Variants in PCDHA9 observed in about 807,000 individuals in gnomAD.
The protein encoded by PCDHA9 is protocadherin alpha-9.
A neutral mutation model predicts 62.0 loss-of-function variants in PCDHA9; 62 were observed. The ratio of observed to expected loss-of-function variants is 1.00; its 90% CI spans 0.81 to 1.23. PCDHA9 has a LOEUF of 1.23. Among genes scored for constraint, PCDHA9 ranks in the 50% most tolerant of loss-of-function variants. The pLI is 0.00. For synonymous variants in PCDHA9, 557 were observed against 567.6 expected (o/e 0.98, Z 0.27); for missense variants, 1,205 against 1,249.8 (o/e 0.96, Z 0.54).
Position 140,848,871 on chromosome 5 carries a change from A to T in PCDHA9, c.376A>T (p.Ile126Phe). The change falls in exon 1 of 4, where the codon ATT (isoleucine) becomes TTT (phenylalanine). Residue 126 changes from isoleucine (I) to phenylalanine (F), a missense_variant. Around this residue, in one of 3 missense-constraint regions of PCDHA9, gnomAD observed 208 missense variants for 213.2 expected, o/e 0.98. Coordinates refer to ENST00000532602, the MANE Select transcript of PCDHA9 (RefSeq NM_031857.2). ...VFHVDVEVKDINDNPPVFPAT... is the reference protein window; with the variant it reads ...VFHVDVEVKDFNDNPPVFPAT... ...CCATGTGGACGTGGAGGTGAAGGAC[A>T]TTAACGACAACCCTCCAGTGTTCCC... 1 of 1,590,856 alleles carries T rather than the reference A, an allele frequency of 6.3e-7. No homozygotes were observed. Among genetic ancestry groups the T allele is most frequent in the Non-Finnish European group, 8.6e-7 (1 of 1,162,462 alleles).
At chr5:141,007,095 G>A (rs1405401392) in intron 3 of PCDHA9, among the ~76,000 whole-genome samples, 2 of 152,208 alleles carry the variant, frequency 1.3e-5, no homozygotes, top group East Asian at 1.9e-4. Context: ...AGAGAGTCTA[G>A]GGCCAAACCC....
intron 1 of PCDHA9, 127 bp from the exon 2 acceptor site, chr5:140,978,822 A>G: frequency 6.6e-7 from 1 of 1,521,216 alleles, no homozygotes; most frequent in Non-Finnish European, 8.8e-7. Context: ...GTTACACATG[A>G]AATGGCTCAT....
At chr5:140,955,385 G>A (rs1416235573) in intron 1 of PCDHA9, among the ~76,000 whole-genome samples, 4 of 152,216 alleles carry the variant, frequency 2.6e-5, no homozygotes, top group South Asian at 4.1e-4. Flanking sequence ...GAATCATGGG[G>A]GCAATTATCC....
At chr5:140,992,153 T>C (rs191199905) in intron 3 of PCDHA9, among the ~76,000 whole-genome samples, 76 of 152,066 alleles carry the variant, frequency 5.0e-4, no homozygotes, top group African/African-American at 1.8e-3. Flanking sequence ...CTTTGCTCAA[T>C]CAAGAAGTGT....
At chr5:140,978,910 T>C in intron 1 of PCDHA9, 39 bp from the exon 2 acceptor site, 1 of 1,613,896 alleles carries the variant, frequency 6.2e-7, no homozygotes, top group Non-Finnish European at 8.5e-7. Context: ...GAACATTGTC[T>C]TGTCATTTTA....
rs150677637 is a variant in PCDHA9, at chr5:140,857,404, T to A, written c.2394+6515T>A. Reference sequence around the variant, plus strand: ...TGGCCGACGTGAACGACAACGCGCCTGCGTTCGCGCAGTCCGAGTACACGG... The same window carrying A: ...TGGCCGACGTGAACGACAACGCGCCAGCGTTCGCGCAGTCCGAGTACACGG... On this transcript the variant is annotated intron_variant, in intron 1 of 3. Transcript: ENST00000532602. 5,154 of 1,597,952 alleles carry A rather than the reference T, an allele frequency of 3.2e-3. 410 individuals carry two copies. In the African/African-American group the frequency reaches 0.057, roughly 18 times the overall value.
intron 1 of PCDHA9, chr5:140,860,177 G>A (rs1218765460): frequency 6.7e-6 from 1 of 148,372 alleles, no homozygotes; most frequent in Admixed American, 6.7e-5. Flanking sequence ...ATATATATAT[G>A]ATGGGCTCTC....
In PCDHA9 at chr5:140,848,448, T is replaced by C. The variant is rs2150410519; in HGVS notation, c.-48T>C. ...ACTGACGAAATCAGATGATTTCTTC[T>C]AATTTGGAGGCAATTTTCACTAATT... On this transcript the variant is annotated 5_prime_UTR_variant, in exon 1 of 4. An upstream open reading frame in the 5' UTR loses its in-frame stop. Transcript: ENST00000532602. 2.0e-6 allele frequency: 3 copies of C among 1,511,550 alleles called. No homozygotes were observed. Among genetic ancestry groups the C allele is most frequent in the African/African-American group, 1.4e-5 (1 of 72,444 alleles). 93.6% of individuals were successfully genotyped at this position (1,511,550 alleles called of 1,614,324 possible).
At chr5:140,871,662 A>G in intron 1 of PCDHA9, 1 of 1,211,512 alleles carries the variant, frequency 8.3e-7, no homozygotes, top group Non-Finnish European at 1.1e-6. Context: ...ACACATCTTC[A>G]GTCTTTTAAT....
At chr5:140,954,948 G>A (rs1163066790) in intron 1 of PCDHA9, among the ~76,000 whole-genome samples, 2 of 152,204 alleles carry the variant, frequency 1.3e-5, no homozygotes, top group Non-Finnish European at 1.5e-5. Flanking sequence ...GTTAATTTTT[G>A]TATAAGATGT....
chr5:140,894,919 T>C (rs1188144925), intron 1 of PCDHA9, among the ~76,000 whole-genome samples: 1 of 152,348 alleles, frequency 6.6e-6, no homozygotes, highest in Non-Finnish European at 1.5e-5. Context: ...TGTTGCTCTA[T>C]AGATTTCTAT....
chr5:140,899,936 T>G (rs1443562291), intron 1 of PCDHA9, among the ~76,000 whole-genome samples: 1 of 152,064 alleles, frequency 6.6e-6, no homozygotes, highest in Non-Finnish European at 1.5e-5. Flanking sequence ...GCCTCCTGAA[T>G]AGCTGGGACC....
chr5:140,926,903 G>C (rs369906778), intron 1 of PCDHA9: 13 of 1,557,942 alleles, frequency 8.3e-6, no homozygotes, highest in African/African-American at 1.4e-5. Flanking sequence ...ATGGTGGGCT[G>C]TGGGGTGGCA....
At chr5:140,973,062 G>GTC (rs1554234872) in intron 1 of PCDHA9, among the ~76,000 whole-genome samples, 1 of 152,138 alleles carries the variant, frequency 6.6e-6, no homozygotes, top group African/African-American at 2.4e-5. Context: ...GTCCAACAGT[G>GTC]TCTCAGTGGG....
intron 1 of PCDHA9, chr5:140,875,236 C>T: frequency 1.1e-6 from 1 of 889,228 alleles, no homozygotes. Context: ...CTTTCTTGTA[C>T]TTACATAATC....
At chr5:140,893,951 T>TTA (rs2064251628) in intron 1 of PCDHA9, among the ~76,000 whole-genome samples, 1 of 152,184 alleles carries the variant, frequency 6.6e-6, no homozygotes, top group Admixed American at 6.5e-5. Context: ...CTGCATGACT[T>TTA]TATTAGTCAT....
rs146340581 is a variant in PCDHA9, at chr5:140,957,263, C to T, written c.2395-21686C>T. On this transcript the variant is annotated intron_variant, in intron 1 of 3. Transcript: ENST00000532602. ...TCTACCTAAAATTTAAATATGTAAG[C>T]ACTAGTCCCCCCTTACCTGCAGTTT... Among the ~76,000 whole-genome samples, 73 of 152,260 alleles carry T rather than the reference C, an allele frequency of 4.8e-4. No homozygotes were observed. In the East Asian group the frequency reaches 0.01, roughly 22 times the overall value.
rs2150483101 is a variant in PCDHA9, at chr5:140,850,412, A to T, written c.1917A>T (p.Glu639Asp). 3.6e-5 allele frequency: 57 copies of T among 1,597,620 alleles called. No homozygotes were observed. The South Asian group carries it at 6.3e-4, about 18-fold the overall frequency. The change falls in exon 1 of 4, where the codon GAA becomes GAT. Residue 639 changes from glutamate to aspartate, a missense_variant. This residue lies in a region of PCDHA9 where 887 missense variants were observed against 809.5 expected (regional missense o/e 1.10). Transcript: ENST00000532602. ...GEISTTRALDETDAPRQRLLV... is the reference protein window; with the variant it reads ...GEISTTRALDDTDAPRQRLLV... ...TCAGCACAACGCGTGCCCTGGACGA[A>T]ACGGACGCACCGCGCCAGCGCCTAC...
Position 140,850,416 on chromosome 5 carries a change from G to T in PCDHA9, c.1921G>T (p.Asp641Tyr). ...ISTTRALDET[D>Y]APRQRLLVLV... ...CACAACGCGTGCCCTGGACGAAACGGACGCACCGCGCCAGCGCCTACTGGT... is the reference window on the plus strand; with the variant it reads ...CACAACGCGTGCCCTGGACGAAACGTACGCACCGCGCCAGCGCCTACTGGT... Residue 641 changes from aspartate (D) to tyrosine (Y), a missense_variant, in exon 1 of 4, where the codon GAC (aspartate) becomes TAC (tyrosine). By Grantham distance (160) the Asp-to-Tyr change is radical. Coordinates refer to ENST00000532602, the MANE Select transcript of PCDHA9 (RefSeq NM_031857.2). The T allele has an allele frequency of 6.3e-7, 1 of 1,598,000 alleles. No homozygotes were observed. The highest frequency in any genetic ancestry group is 8.6e-7 in the Non-Finnish European group (1 of 1,167,744).
Sources: allele counts gnomAD v4.1 joint callset (sites outside exome capture counted in the v4.1 genomes callset), GRCh38; gene constraint gnomAD v4.1.1; regional missense constraint gnomAD v4.1.1; transcripts MANE v1.5; gene names NCBI Gene and HGNC (gene_info 2026-07-23, HGNC 2026-07-21).